Variants in NAA40 observed in about 807,000 individuals in gnomAD.
The protein encoded by NAA40 is N-alpha-acetyltransferase 40, NatD catalytic subunit.
A neutral mutation model predicts 36.6 loss-of-function variants in NAA40; 26 were observed. The observed-to-expected ratio is 0.71, with a 90% CI of 0.52 to 0.98. NAA40 has a LOEUF of 0.98. Among genes scored for constraint, NAA40 ranks in the 50% least tolerant of loss-of-function variants. The pLI, the probability that NAA40 is intolerant of heterozygous loss-of-function variation, is 0.00. For missense variants in NAA40, 237 were observed against 306.5 expected (o/e 0.77, Z 1.69); for synonymous variants, 129 against 108.4 (o/e 1.19, Z -1.18).
chr11:63,941,576 G>C (rs9630214), intron 1 of NAA40, among the ~76,000 whole-genome samples: 8,750 of 151,444 alleles, frequency 0.058, 855 homozygotes, highest in African/African-American at 0.2. Context: ...TTTTTAGACA[G>C]AGTTGTGCTC....
chr11:63,949,806 G>A (rs1348803256), intron 3 of NAA40, among the ~76,000 whole-genome samples: 1 of 141,966 alleles, frequency 7.0e-6, no homozygotes, highest in Non-Finnish European at 1.5e-5. Context: ...GTGCAGTGGC[G>A]CCATCTCGGC....
At chr11:63,943,112 C>T (rs1319333980) in intron 1 of NAA40, among the ~76,000 whole-genome samples, 1 of 152,168 alleles carries the variant, frequency 6.6e-6, no homozygotes, top group Non-Finnish European at 1.5e-5. Flanking sequence ...TGGCTTCTAA[C>T]CTGCCCTTAC....
At chr11:63,940,292 A>G (rs1590748036) in intron 1 of NAA40, among the ~76,000 whole-genome samples, 1 of 151,296 alleles carries the variant, frequency 6.6e-6, no homozygotes, top group South Asian at 2.1e-4. Context: ...CTCGTGATTC[A>G]CCCGCCTAGG....
intron 3 of NAA40, among the ~76,000 whole-genome samples, chr11:63,951,696 A>G (rs1366608248): frequency 6.6e-6 from 1 of 152,114 alleles, no homozygotes; most frequent in Non-Finnish European, 1.5e-5. Context: ...TGAGGCAGGC[A>G]GGACTCCTGG....
chr11:63,942,758 G>A (rs1187390951), intron 1 of NAA40, among the ~76,000 whole-genome samples: 3 of 152,258 alleles, frequency 2.0e-5, no homozygotes, highest in Non-Finnish European at 4.4e-5. Flanking sequence ...GGCCCAGCTG[G>A]CTGCACCCTG....
intron 1 of NAA40, among the ~76,000 whole-genome samples, chr11:63,941,664 T>C (rs2134265638): frequency 6.6e-6 from 1 of 152,282 alleles, no homozygotes; most frequent in African/African-American, 2.4e-5. Flanking sequence ...GTGATTCTCC[T>C]GCCTCAGCCT....
chr11:63,943,051 AC>A (rs1827039884), intron 1 of NAA40, among the ~76,000 whole-genome samples: 1 of 152,174 alleles, frequency 6.6e-6, no homozygotes, highest in African/African-American at 2.4e-5. Flanking sequence ...GTATAAGAGA[AC>A]AAGCATGTAG....
chr11:63,954,654 C>T lies in NAA40; in HGVS notation c.*175C>T, dbSNP rs1200742593. 1.4e-5 allele frequency: 8 copies of T among 573,900 alleles called. No homozygotes were observed. The highest frequency in any genetic ancestry group is 2.2e-5 in the Non-Finnish European group (8 of 360,904). 35.6% of individuals were successfully genotyped at this position (573,900 alleles called of 1,614,324 possible). A position where few individuals can be genotyped will look rare whatever the true frequency, so the allele number is the denominator to read the frequency against. On this transcript the variant is annotated 3_prime_UTR_variant, in exon 8 of 8. Transcript: ENST00000377793. ...AAGTGGTATCAGCTGCTCCTCCTCT[C>T]CTAGGAGACCAGAGTGCTAGAAGGG...
At chr11:63,951,895 T>C (rs1364277712) in intron 3 of NAA40, among the ~76,000 whole-genome samples, 2 of 152,094 alleles carry the variant, frequency 1.3e-5, no homozygotes, top group Non-Finnish European at 2.9e-5. Context: ...CATGAGTGTT[T>C]ATAACAAAGT....
At chr11:63,948,598 G>T (rs1169759903) in intron 3 of NAA40, among the ~76,000 whole-genome samples, 2 of 151,950 alleles carry the variant, frequency 1.3e-5, no homozygotes, top group African/African-American at 4.8e-5. Flanking sequence ...GGCACCTGTA[G>T]TCTCAGCTAC....
chr11:63,939,422 C>T (rs1248560792), intron 1 of NAA40: 3 of 1,140,274 alleles, frequency 2.6e-6, no homozygotes, highest in Non-Finnish European at 3.2e-6. Context: ...GCTTCCCGCT[C>T]CCCCAGGGTC....
intron 3 of NAA40, among the ~76,000 whole-genome samples, 153 bp downstream of exon 3, chr11:63,947,156 A>C (rs962602331): frequency 6.6e-6 from 1 of 152,104 alleles, no homozygotes; most frequent in Non-Finnish European, 1.5e-5. Context: ...CCTGTAATCC[A>C]AGCACTTTGG....
Position 63,956,897 on chromosome 11 carries a change from C to G in NAA40, c.*2418C>G, listed in dbSNP as rs1350723762. On this transcript the variant is annotated 3_prime_UTR_variant, in exon 8 of 8. Coordinates refer to ENST00000377793, the MANE Select transcript of NAA40 (RefSeq NM_024771.4). ...CTGAGGCAGGAGACTCGCTTGAACC[C>G]AGGAGGTGGAGGTTGTGGTGAGCTG... 1 of 151,506 alleles carries G rather than the reference C, an allele frequency of 6.6e-6. No homozygotes were observed. The highest frequency in any genetic ancestry group is 1.5e-5 in the Non-Finnish European group (1 of 67,938). The allele number at this position is 151,506 out of a possible 1,614,324, so 9.4% of individuals were successfully genotyped here. A position where few individuals can be genotyped will look rare whatever the true frequency, so the allele number is the denominator to read the frequency against.
At chr11:63,946,093 G>T in intron 2 of NAA40, 158 bp downstream of exon 2, 1 of 647,624 alleles carries the variant, frequency 1.5e-6, no homozygotes, top group Non-Finnish European at 2.6e-6. Flanking sequence ...ATACCTGTGT[G>T]TTGGAAGTTG....
chr11:63,945,245 T>A (rs1349271693), intron 1 of NAA40, among the ~76,000 whole-genome samples: 1 of 152,216 alleles, frequency 6.6e-6, no homozygotes, highest in African/African-American at 2.4e-5. Context: ...GGGTGTGCCC[T>A]GTCACTCGTT....
In NAA40 at chr11:63,955,808, A is replaced by G. The variant is rs555222730; in HGVS notation, c.*1329A>G. Reference sequence around the variant, plus strand: ...CTAGGCCTTGTTCCTCTTCCAGGGAAGAAAAGCCAAATCCTTATCAAGGAA... The same window carrying G: ...CTAGGCCTTGTTCCTCTTCCAGGGAGGAAAAGCCAAATCCTTATCAAGGAA... On this transcript the variant is annotated 3_prime_UTR_variant, in exon 8 of 8. Transcript: ENST00000377793. 2 of 152,414 alleles carry G rather than the reference A, an allele frequency of 1.3e-5. No homozygotes were observed. The highest frequency in any genetic ancestry group is 1.3e-4 in the Admixed American group (2 of 15,304). The allele number at this position is 152,414 out of a possible 1,614,324, so 9.4% of individuals were successfully genotyped here. A position where few individuals can be genotyped will look rare whatever the true frequency, so the allele number is the denominator to read the frequency against.
intron 2 of NAA40, 44 bp from the exon 3 acceptor site, chr11:63,946,907 C>T (rs747805431): frequency 2.3e-5 from 37 of 1,611,532 alleles, no homozygotes; most frequent in Middle Eastern, 1.7e-4. Flanking sequence ...TCTGCACCTC[C>T]GCCCCACTTG....
chr11:63,947,147 C>T, intron 3 of NAA40, 144 bp downstream of exon 3: 1 of 843,178 alleles, frequency 1.2e-6, no homozygotes. Context: ...TGGCTCACGC[C>T]TGTAATCCAA....
At chr11:63,944,344 G>T (rs1165213707) in intron 1 of NAA40, among the ~76,000 whole-genome samples, 3 of 152,120 alleles carry the variant, frequency 2.0e-5, no homozygotes, top group Admixed American at 1.3e-4. Flanking sequence ...TGTTGGGGGG[G>T]AGGTGTCAAA....
Sources: gnomAD v4.1 joint callset for allele counts (sites outside exome capture counted in the v4.1 genomes callset) on GRCh38, gnomAD v4.1.1 for gene constraint, MANE v1.5 for transcripts, NCBI Gene and HGNC (gene_info 2026-07-23, HGNC 2026-07-21) for gene names.